ZNF616: variants seen among roughly 807,000 people sequenced by gnomAD.
The protein encoded by ZNF616 is zinc finger protein 616.
ZNF616 carries 5 observed loss-of-function variants against 7.6 expected under a neutral mutation model. That is an observed-to-expected ratio of 0.66 (90% CI 0.34 to 1.38). The LOEUF (loss-of-function observed/expected upper bound fraction) is 1.38. ZNF616 is among the 40% of genes most tolerant of loss of function. The pLI, the probability that ZNF616 is intolerant of heterozygous loss-of-function variation, is 0.04. For synonymous variants in ZNF616, 319 were observed against 317.2 expected (o/e 1.01, Z -0.06); for missense variants, 913 against 948.3 (o/e 0.96, Z 0.49).
In ZNF616 at chr19:52,116,544, T is replaced by G. The variant is rs1182143574; in HGVS notation, c.620A>C (p.His207Pro). The change falls in exon 4 of 4, where the codon CAT becomes CCT. Residue 207 changes from histidine (H) to proline (P), a missense_variant. Coordinates refer to ENST00000600228, the MANE Select transcript of ZNF616 (RefSeq NM_178523.5). Reference protein sequence around the residue: ...SSSLINHQRIHTTEKPYKCNE... With the variant: ...SSSLINHQRIPTTEKPYKCNE... ...GCATTTGTAAGGTTTCTCTGTAGTA[T>G]GTATCCTCTGATGATTAATAAGGCT... 2.5e-6 allele frequency: 4 copies of G among 1,614,172 alleles called. No homozygotes were observed. The highest frequency in any genetic ancestry group is 3.4e-6 in the Non-Finnish European group (4 of 1,180,026).
chr19:52,131,189 AC>A (rs1010416400), intron 1 of ZNF616, among the ~76,000 whole-genome samples: 12 of 145,948 alleles, frequency 8.2e-5, no homozygotes, highest in Admixed American at 7.7e-4. Flanking sequence ...AATCACTTGA[AC>A]CTGGGAGGCG....
In ZNF616 at chr19:52,139,866, T is replaced by C. The variant is rs1446826253; in HGVS notation, c.-211A>G. 6.6e-6 allele frequency: 1 copy of C among 152,196 alleles called. No individual in the cohort carries two copies. The highest frequency in any genetic ancestry group is 1.5e-5 in the Non-Finnish European group (1 of 68,098). The allele number at this position is 152,196 out of a possible 1,614,324, so 9.4% of individuals were successfully genotyped here. A position where few individuals can be genotyped will look rare whatever the true frequency, so the allele number is the denominator to read the frequency against. On this transcript the variant is annotated 5_prime_UTR_variant, in exon 1 of 4. Transcript: ENST00000600228. This position sits in a 1 kb window ranked among gnomAD's most constrained non-coding sequence, Gnocchi z 4.1. ...AATCCAGGCAGACGGAGCGAAGTAA[T>C]GTTTAATCCACGTAGACTGAAACAC... is the stretch of plus-strand genomic sequence containing the variant.
intron 3 of ZNF616, 110 bp downstream of exon 3, chr19:52,123,813 C>A: frequency 7.4e-7 from 1 of 1,353,724 alleles, no homozygotes; most frequent in South Asian, 1.3e-5. Context: ...TATTTTTGAA[C>A]CAATAAGGCT....
intron 2 of ZNF616, among the ~76,000 whole-genome samples, chr19:52,125,834 C>T (rs940444516): frequency 6.6e-6 from 1 of 152,166 alleles, no homozygotes; most frequent in Non-Finnish European, 1.5e-5. Flanking sequence ...AGATAACTGA[C>T]GTAAACCGGT....
At chr19:52,131,264 C>CA (rs61359785) in intron 1 of ZNF616, among the ~76,000 whole-genome samples, 6,633 of 39,478 alleles carry the variant, frequency 0.17, 861 homozygotes, top group African/African-American at 0.18. Context: ...ACTCTGTCAC[C>CA]AAAAAAAAAA....
intron 2 of ZNF616, among the ~76,000 whole-genome samples, chr19:52,130,078 C>T (rs528158259): frequency 2.6e-5 from 4 of 152,138 alleles, no homozygotes; most frequent in African/African-American, 7.2e-5. Flanking sequence ...TGGCCCCTTT[C>T]GATAATTTAC....
intron 2 of ZNF616, among the ~76,000 whole-genome samples, chr19:52,128,876 C>A (rs1600126612): frequency 6.8e-6 from 1 of 148,074 alleles, no homozygotes. Context: ...TAGAGTTTAA[C>A]AAATTAACAC....
Position 52,139,834 on chromosome 19 carries a change from CACGTTTAATCCAGGCAG to C in ZNF616, c.-196_-180del, listed in dbSNP as rs1454401634. ...ACGGAGAAGTGAGGACTGCAAAGTG[CACGTTTAATCCAGGCAG>C]ACGGAGCGAAGTAATGTTTAATCCA... is the stretch of plus-strand genomic sequence containing the variant. On this transcript the variant is annotated 5_prime_UTR_variant, in exon 1 of 4. Transcript: ENST00000600228. This position sits in a 1 kb window ranked among gnomAD's most constrained non-coding sequence, Gnocchi z 4.1. 1.3e-5 allele frequency: 2 copies of C among 152,272 alleles called. No homozygotes were observed. Among genetic ancestry groups the C allele is most frequent in the Non-Finnish European group, 2.9e-5 (2 of 68,110 alleles). The allele number at this position is 152,272 out of a possible 1,614,324, so 9.4% of individuals were successfully genotyped here.
rs1451485034 is a variant in ZNF616, at chr19:52,126,585, C to T, written c.13-2536G>A. Among the ~76,000 whole-genome samples the T allele has an allele frequency of 2.0e-5, 3 of 151,438 alleles. No homozygotes were observed. The East Asian group carries it at 5.8e-4, about 29-fold the overall frequency. ...GAGTTTAAGACCAGCCTGGCCAACACGGTGAAACCCCGTCTCTACTAAAAA... is the reference window on the plus strand; with the variant it reads ...GAGTTTAAGACCAGCCTGGCCAACATGGTGAAACCCCGTCTCTACTAAAAA... On this transcript the variant is annotated intron_variant, in intron 2 of 3. Coordinates refer to ENST00000600228, the MANE Select transcript of ZNF616 (RefSeq NM_178523.5).
At chr19:52,119,744 G>A (rs2088852405) in intron 3 of ZNF616, among the ~76,000 whole-genome samples, 1 of 152,168 alleles carries the variant, frequency 6.6e-6, no homozygotes, top group African/African-American at 2.4e-5. Flanking sequence ...TATACTATGG[G>A]CACAGGACAA....
chr19:52,114,852 C>A lies in ZNF616; in HGVS notation c.2312G>T (p.Ser771Ile), dbSNP rs368984649. 1.3e-5 allele frequency: 20 copies of A among 1,599,072 alleles called. No homozygotes were observed. Among genetic ancestry groups the A allele is most frequent in the Non-Finnish European group, 1.7e-5 (20 of 1,173,352 alleles). The change falls in exon 4 of 4, where the codon AGC becomes ATC. Residue 771 changes from serine to isoleucine, a missense_variant. Physicochemically the swap from Ser to Ile is moderately radical, Grantham distance 142 (BLOSUM62 -2). Transcript: ENST00000600228. ...TGTCACATTGAGTTTAGTTGTAAGG[C>A]TCTCTCCAGTATGTCTTATTCGATG... ...TKHRIRHTGE[S>I]LTTKLNVTRP is the part of the protein sequence containing the mutation.
In ZNF616 at chr19:52,134,432, C is replaced by T. The variant is rs1004648236; in HGVS notation, c.-76-3844G>A. On this transcript the variant is annotated intron_variant, in intron 1 of 3. Coordinates refer to ENST00000600228, the MANE Select transcript of ZNF616 (RefSeq NM_178523.5). ...AGCCATCCTAGCAAATTAATCAAACCTTTGGCTGGGGTAGTAGGAATGCCA... is the reference window on the plus strand; with the variant it reads ...AGCCATCCTAGCAAATTAATCAAACTTTTGGCTGGGGTAGTAGGAATGCCA... 2.4e-4 allele frequency among the ~76,000 whole-genome samples: 37 copies of T among 152,250 alleles called. 1 individual carries two copies. Among genetic ancestry groups the T allele is most frequent in the Non-Finnish European group, 4.7e-4 (32 of 68,032 alleles).
chr19:52,129,244 A>T (rs576637856), intron 2 of ZNF616, among the ~76,000 whole-genome samples: 39 of 152,326 alleles, frequency 2.6e-4, no homozygotes, highest in Admixed American at 6.5e-4. Context: ...ACGCCATTGT[A>T]GTCCGGCCTG....
intron 1 of ZNF616, 57 bp from the exon 2 acceptor site, chr19:52,130,645 T>C: frequency 3.7e-6 from 5 of 1,349,548 alleles, no homozygotes; most frequent in Non-Finnish European, 5.1e-6. Flanking sequence ...CCTTTCTGTG[T>C]CACAACCATG....
In ZNF616 at chr19:52,116,378, A is replaced by C; in HGVS notation, c.786T>G (p.Ser262Arg). The C allele has an allele frequency of 6.2e-7, 1 of 1,613,582 alleles. No individual in the cohort carries two copies. Among genetic ancestry groups the C allele is most frequent in the Non-Finnish European group, 8.5e-7 (1 of 1,179,922 alleles). The change falls in exon 4 of 4, where the codon AGT becomes AGG. Residue 262 changes from serine (S) to arginine (R), a missense_variant. Transcript: ENST00000600228. ...ATATGTAGGGTTTCTGTCCAGTGTG[A>C]CTCCTTTGGTGTCTTACAAAATATG... ...KNSYFVRHQR[S>R]HTGQKPYICN... is the part of the protein sequence containing the mutation.
rs371035717 is a variant in ZNF616 at position 52,132,376 on chromosome 19, C to T, written c.-76-1788G>A. On this transcript the variant is annotated intron_variant, in intron 1 of 3. Coordinates refer to ENST00000600228, the MANE Select transcript of ZNF616 (RefSeq NM_178523.5). ...AGAATTCTAGAGTTCAGGGGACAGG[C>T]CTGCAGGGGACATGGAGACGTGTAG... Among the ~76,000 whole-genome samples, 414 of 152,126 alleles carry T rather than the reference C, an allele frequency of 2.7e-3. 1 individual carries two copies. The highest frequency in any genetic ancestry group is 8.4e-3 in the African/African-American group (349 of 41,496).
Position 52,116,973 on chromosome 19 carries a change from T to C in ZNF616, c.191A>G (p.Asn64Ser), listed in dbSNP as rs73571273. ...CACTGTTTGGAACCTTTCTCCTGTA[T>C]TACTGTTCTCTGTTGGTGGTAATTC... ...IKELPPTENS[N>S]TGERFQTVAL... is the part of the protein sequence containing the mutation. The change falls in exon 4 of 4, where the codon AAT becomes AGT. Residue 64 changes from asparagine to serine, a missense_variant. Asn to Ser is a conservative substitution (Grantham distance 46, BLOSUM62 1). Coordinates refer to ENST00000600228, the MANE Select transcript of ZNF616 (RefSeq NM_178523.5). The C allele has an allele frequency of 6.2e-3, 9,963 of 1,608,354 alleles. 491 individuals are homozygous for C. The African/African-American group carries it at 0.12, about 19-fold the overall frequency.
chr19:52,121,385 T>C (rs2088863466), intron 3 of ZNF616, among the ~76,000 whole-genome samples: 1 of 152,006 alleles, frequency 6.6e-6, no homozygotes, highest in Middle Eastern at 3.2e-3. Flanking sequence ...AATTAGAATA[T>C]CAAAAAATAT....
chr19:52,116,466 A>G lies in ZNF616; in HGVS notation c.698T>C (p.Val233Ala). ...ATATGATTTCCCTCTTGTATGGACT[A>G]CCTTGTGTACAGTTAGTAGTGAGGC... ...HRASLLTVHK[V>A]VHTRGKSYQC... Residue 233 changes from valine (V) to alanine (A), a missense_variant, in exon 4 of 4, where the codon GTA becomes GCA. Physicochemically the swap from Val to Ala is moderately conservative, Grantham distance 64. Coordinates refer to ENST00000600228, the MANE Select transcript of ZNF616 (RefSeq NM_178523.5). 1 of 1,614,042 alleles carries G rather than the reference A, an allele frequency of 6.2e-7. No individual in the cohort carries two copies.
Sources: allele counts gnomAD v4.1 joint callset (sites outside exome capture counted in the v4.1 genomes callset), GRCh38; gene constraint gnomAD v4.1.1; non-coding constraint Gnocchi (gnomAD v3.1); transcripts MANE v1.5; gene names NCBI Gene and HGNC (gene_info 2026-07-23, HGNC 2026-07-21).